The following NBEA variants were observed in gnomAD, a reference collection of about 807,000 sequenced individuals.
NBEA encodes lysosomal-trafficking regulator 2.
Under a neutral mutation model 343.4 loss-of-function variants are expected in NBEA, and 44 were observed. The observed-to-expected ratio is 0.13, with a 90% confidence interval of 0.10 to 0.16. The LOEUF is 0.16. NBEA is among the 10% of genes least tolerant of loss of function. The pLI, the probability that NBEA is intolerant of heterozygous loss-of-function variation, is 1.00. For synonymous variants in NBEA, 1,175 were observed against 1,238.7 expected (o/e 0.95, Z 1.08); for missense variants, 2,555 against 3,631.3 (o/e 0.70, Z 7.62).
In NBEA at chr13:35,432,337, G is replaced by T; in HGVS notation, c.6248G>T (p.Arg2083Leu). Residue 2083 changes from arginine to leucine, a missense_variant, in exon 39 of 59, where the codon CGC becomes CTC. Around this residue, in one of 21 missense-constraint regions of NBEA, gnomAD observed 246 missense variants for 313.7 expected, o/e 0.78. Coordinates refer to ENST00000379939, the MANE Select transcript of NBEA (RefSeq NM_001385012.1). ...DDLRRRRRFV[R>L]NAFGSTHAEA... The stretch of plus-strand genomic sequence containing the variant: ...CTTCGTCGAAGGAGACGATTTGTTC[G>T]CAATGCATTTGGCTCCACTCATGCT... The T allele has an allele frequency of 6.2e-7, 1 of 1,608,888 alleles. No homozygotes were observed. The highest frequency in any genetic ancestry group is 8.5e-7 in the Non-Finnish European group (1 of 1,177,396).
intron 1 of NBEA, among the ~76,000 whole-genome samples, chr13:35,023,990 CAGGT>C (rs1332319832): frequency 6.6e-6 from 1 of 152,172 alleles, no homozygotes; most frequent in Non-Finnish European, 1.5e-5. Flanking sequence ...GCTCCACTCT[CAGGT>C]AGGCCCTGGT....
At chr13:34,943,187 A>G (rs2059083389) in intron 1 of NBEA, 73 bp downstream of exon 1, 8 of 1,562,184 alleles carry the variant, frequency 5.1e-6, no homozygotes, top group Non-Finnish European at 6.9e-6. Flanking sequence ...TTTCCCTCCC[A>G]CCCTTCACCC....
intron 41 of NBEA, among the ~76,000 whole-genome samples, chr13:35,483,269 A>G (rs1157488104): frequency 3.3e-5 from 5 of 151,948 alleles, no homozygotes; most frequent in Non-Finnish European, 1.5e-5. Flanking sequence ...AAAATATGCA[A>G]GTAAGAATGG....
intron 39 of NBEA, among the ~76,000 whole-genome samples, chr13:35,444,644 T>A (rs180814077): frequency 1.6e-3 from 240 of 152,106 alleles, no homozygotes; most frequent in African/African-American, 5.6e-3. Context: ...AAAATAAAAT[T>A]AGACCAGATT....
chr13:35,538,960 A>C lies in NBEA; in HGVS notation c.6586-11517A>C, dbSNP rs1181054542. On this transcript the variant is annotated intron_variant, in intron 41 of 58. Coordinates refer to ENST00000379939, the MANE Select transcript of NBEA (RefSeq NM_001385012.1). ...CCCATGTTCCATCTAGTCCATAACA[A>C]ATTGGGAATCACTCTGGAATGTTTT... Among the ~76,000 whole-genome samples, 3 of 152,360 alleles carry C rather than the reference A, an allele frequency of 2.0e-5. No individual in the cohort carries two copies. In the South Asian group the frequency reaches 6.2e-4, roughly 32 times the overall value.
intron 30 of NBEA, among the ~76,000 whole-genome samples, chr13:35,187,096 G>C (rs2071773671): frequency 6.6e-6 from 1 of 151,918 alleles, no homozygotes; most frequent in East Asian, 1.9e-4. Flanking sequence ...TTTACAATTG[G>C]TAAATAAAAT....
chr13:35,208,503 G>A (rs1400333209), intron 31 of NBEA, among the ~76,000 whole-genome samples, 197 bp from the exon 32 acceptor site: 1 of 152,030 alleles, frequency 6.6e-6, no homozygotes, highest in East Asian at 1.9e-4. Context: ...AAATCAATTA[G>A]GCAACACACT....
At position 35,018,181 on chromosome 13, in the gene NBEA, T is replaced by G. The variant is rs139292255; in HGVS notation, c.295-22752T>G. On this transcript the variant is annotated intron_variant, in intron 1 of 58. Transcript: ENST00000379939. ...TTGTAAGTCATAAAATCTGGTAGTT[T>G]AGGGCCTCTCAAGTTTGTTCTTCAG... 4.8e-3 allele frequency among the ~76,000 whole-genome samples: 733 copies of G among 152,256 alleles called. 5 individuals are homozygous for G. Among genetic ancestry groups the G allele is most frequent in the African/African-American group, 0.017 (687 of 41,576 alleles).
At chr13:35,162,694 A>G (rs2069663940) in intron 23 of NBEA, among the ~76,000 whole-genome samples, 1 of 152,046 alleles carries the variant, frequency 6.6e-6, no homozygotes, top group African/African-American at 2.4e-5. Flanking sequence ...TCCTCTTTCA[A>G]AATCAATCAT....
chr13:34,975,085 AAGCAGGT>A (rs940387372), intron 1 of NBEA, among the ~76,000 whole-genome samples: 6 of 152,178 alleles, frequency 3.9e-5, no homozygotes, highest in Non-Finnish European at 7.4e-5. Flanking sequence ...TCCCTAGGTC[AAGCAGGT>A]AGAAATGGCT....
chr13:35,539,407 G>T (rs994400457), intron 41 of NBEA, among the ~76,000 whole-genome samples: 3 of 152,132 alleles, frequency 2.0e-5, no homozygotes, highest in African/African-American at 7.2e-5. Context: ...AAGTGTTCAG[G>T]ATGGTTAGAA....
chr13:35,081,322 G>A (rs989549423), intron 10 of NBEA, among the ~76,000 whole-genome samples: 6 of 152,030 alleles, frequency 3.9e-5, no homozygotes, highest in African/African-American at 1.4e-4. Flanking sequence ...TGTTGAAGTT[G>A]ATCTTCTTTA....
chr13:35,622,777 C>G (rs1239945431), intron 48 of NBEA, among the ~76,000 whole-genome samples: 4 of 152,056 alleles, frequency 2.6e-5, no homozygotes, highest in African/African-American at 9.7e-5. Flanking sequence ...TATTTTTGCT[C>G]TGATCTAGAA....
At chr13:35,491,138 T>C (rs560965748) in intron 41 of NBEA, among the ~76,000 whole-genome samples, 1 of 152,092 alleles carries the variant, frequency 6.6e-6, no homozygotes, top group Admixed American at 6.6e-5. Flanking sequence ...CTTCTGAGTT[T>C]ATGTAGCATC....
chr13:35,280,027 ATTTAT>A (rs1055925789), intron 34 of NBEA, among the ~76,000 whole-genome samples: 4 of 152,158 alleles, frequency 2.6e-5, no homozygotes, highest in African/African-American at 7.2e-5. Flanking sequence ...ATTATTTGAA[ATTTAT>A]TTTAGTAGAG....
chr13:35,644,966 A>G (rs1359211444), intron 49 of NBEA, among the ~76,000 whole-genome samples: 1 of 152,264 alleles, frequency 6.6e-6, no homozygotes, highest in Non-Finnish European at 1.5e-5. Flanking sequence ...CAGATAAAAG[A>G]ACCAAAGTCC....
intron 38 of NBEA, among the ~76,000 whole-genome samples, chr13:35,417,823 T>A (rs912089232): frequency 7.2e-5 from 11 of 152,174 alleles, no homozygotes; most frequent in Admixed American, 2.0e-4. Flanking sequence ...CTGTCTAATG[T>A]TGACAGTGGG....
At position 35,469,745 on chromosome 13, in the gene NBEA, A is replaced by C. The variant is rs190749277; in HGVS notation, c.6449-2655A>C. Among the ~76,000 whole-genome samples the C allele has an allele frequency of 3.3e-3, 508 of 152,344 alleles. 4 individuals carry two copies. The highest frequency in any genetic ancestry group is 0.019 in the South Asian group (90 of 4,830). On this transcript the variant is annotated intron_variant, in intron 40 of 58. Transcript: ENST00000379939. ...GCAAAGTTTAGGAGGTTAAATGTGT[A>C]GTTACTTAAGTTATCTTCTAGAACA...
intron 36 of NBEA, 30 bp downstream of exon 36, chr13:35,309,622 G>C (rs1224279928): frequency 7.4e-7 from 1 of 1,350,540 alleles, no homozygotes. Context: ...TAGACAACTA[G>C]TCAGTGTACA....
Sources: allele counts gnomAD v4.1 joint callset (sites outside exome capture counted in the v4.1 genomes callset), GRCh38; gene constraint gnomAD v4.1.1; regional missense constraint gnomAD v4.1.1; transcripts MANE v1.5; gene names NCBI Gene and HGNC (gene_info 2026-07-23, HGNC 2026-07-21).